CENPP: variants seen among roughly 807,000 people sequenced by gnomAD.
CENPP encodes centromere protein P.
Under a neutral mutation model 35.6 loss-of-function variants are expected in CENPP, and 24 were observed. The observed-to-expected ratio is 0.67, with a 90% CI of 0.49 to 0.95. The LOEUF is 0.95. CENPP is among the 40% of genes least tolerant of loss of function. The probability of loss-of-function intolerance (pLI) is 0.00; values close to 1 mark genes in which losing one functional copy is unlikely to be tolerated. For missense variants in CENPP, 332 were observed against 345.3 expected (o/e 0.96, Z 0.31); for synonymous variants, 120 against 125.5 (o/e 0.96, Z 0.29).
chr9:92,602,294 CG>C (rs896699920), intron 5 of CENPP, among the ~76,000 whole-genome samples: 2 of 152,122 alleles, frequency 1.3e-5, no homozygotes, highest in African/African-American at 4.8e-5. Context: ...CCAACAGATG[CG>C]GGAGGAATGA....
intron 5 of CENPP, among the ~76,000 whole-genome samples, chr9:92,433,799 G>A (rs908139553): frequency 1.3e-5 from 2 of 152,050 alleles, no homozygotes; most frequent in East Asian, 1.9e-4. Flanking sequence ...GGGTACAGTG[G>A]TGCTTGCCTG....
intron 5 of CENPP, chr9:92,505,697 A>C (rs1488365514): frequency 6.4e-7 from 1 of 1,557,142 alleles, no homozygotes; most frequent in East Asian, 2.3e-5. Context: ...AAGTCTATAA[A>C]AAATAAAAGT....
Position 92,476,024 on chromosome 9 carries a change from G to T in CENPP, c.564+96165G>T, listed in dbSNP as rs1183832779. Among the ~76,000 whole-genome samples, 1 of 152,162 alleles carries T rather than the reference G, an allele frequency of 6.6e-6. No individual in the cohort carries two copies. Among genetic ancestry groups the T allele is most frequent in the Non-Finnish European group, 1.5e-5 (1 of 68,028 alleles). ...AAATTTCAAAAATTAAAAACATTAT[G>T]AAATTATTCAAAATAGATGCATCCT... On this transcript the variant is annotated intron_variant, in intron 5 of 7. Coordinates refer to ENST00000375587, the MANE Select transcript of CENPP (RefSeq NM_001012267.3). This position sits in a 1 kb window ranked among gnomAD's most constrained non-coding sequence, Gnocchi z 4.1.
chr9:92,386,267 C>T (rs900281849), intron 5 of CENPP: 1 of 1,613,306 alleles, frequency 6.2e-7, no homozygotes, highest in Non-Finnish European at 8.5e-7. Flanking sequence ...CATTATGGTC[C>T]AAGTAGAGGA....
At chr9:92,361,126 TA>T (rs1419071319) in intron 4 of CENPP, among the ~76,000 whole-genome samples, 1 of 151,876 alleles carries the variant, frequency 6.6e-6, no homozygotes. Flanking sequence ...TTTATTATTT[TA>T]CTTTATTTAT....
intron 3 of CENPP, among the ~76,000 whole-genome samples, chr9:92,342,987 G>T (rs1167053290): frequency 6.6e-6 from 1 of 152,074 alleles, no homozygotes; most frequent in Non-Finnish European, 1.5e-5. Flanking sequence ...GATAGAAAAA[G>T]AAATGACACA....
At chr9:92,384,615 A>G (rs1478485114) in intron 5 of CENPP, 1 of 152,144 alleles carries the variant, frequency 6.6e-6, no homozygotes, top group Non-Finnish European at 1.5e-5. Flanking sequence ...GTTTATCATG[A>G]GTAATCAGAA....
chr9:92,431,583 CT>C (rs934150311), intron 5 of CENPP, among the ~76,000 whole-genome samples: 1 of 151,768 alleles, frequency 6.6e-6, no homozygotes, highest in Non-Finnish European at 1.5e-5. Context: ...CTTTTCTTTT[CT>C]TTTTTTCCAA....
At chr9:92,515,085 C>T (rs1297777589) in intron 5 of CENPP, 4 of 1,614,108 alleles carry the variant, frequency 2.5e-6, no homozygotes, top group Admixed American at 1.7e-5. Context: ...GGTCCATTCC[C>T]ACCTGAGGAG....
chr9:92,359,915 T>C (rs1365514863), intron 4 of CENPP, among the ~76,000 whole-genome samples: 1 of 152,080 alleles, frequency 6.6e-6, no homozygotes, highest in Non-Finnish European at 1.5e-5. Context: ...TACTAAGAGC[T>C]GAAATTTGCT....
At chr9:92,378,071 C>A (rs1362969990) in intron 4 of CENPP, among the ~76,000 whole-genome samples, 1 of 152,100 alleles carries the variant, frequency 6.6e-6, no homozygotes, top group Non-Finnish European at 1.5e-5. Flanking sequence ...GACATCCTTT[C>A]TTTGCTTATG....
At chr9:92,393,059 C>T (rs1340256954) in intron 5 of CENPP, 1 of 1,591,412 alleles carries the variant, frequency 6.3e-7, no homozygotes, top group South Asian at 1.1e-5. Context: ...CGAGTTAATA[C>T]TAATATCATA....
chr9:92,540,633 TG>T (rs753655934), intron 5 of CENPP, among the ~76,000 whole-genome samples: 41 of 144,614 alleles, frequency 2.8e-4, no homozygotes, highest in Non-Finnish European at 4.9e-4. Flanking sequence ...TAGCCGAGCA[TG>T]GTGGCACGCG....
chr9:92,325,868 T>G, upstream of CENPP: 1 of 680,860 alleles, frequency 1.5e-6, no homozygotes, highest in Non-Finnish European at 2.5e-6. Flanking sequence ...CGCGGAGCTC[T>G]CCCGCCTCCC....
At chr9:92,596,092 G>A (rs1850773547) in intron 5 of CENPP, among the ~76,000 whole-genome samples, 1 of 152,086 alleles carries the variant, frequency 6.6e-6, no homozygotes, top group African/African-American at 2.4e-5. Context: ...CAGGCACCCT[G>A]CCAAAACCTT....
intron 5 of CENPP, among the ~76,000 whole-genome samples, chr9:92,580,724 T>A (rs1850401924): frequency 6.6e-6 from 1 of 152,410 alleles, no homozygotes; most frequent in African/African-American, 2.4e-5. Flanking sequence ...TAGCGGTCTA[T>A]CAATTTTGTT....
intron 5 of CENPP, among the ~76,000 whole-genome samples, chr9:92,481,855 A>G (rs1170872963): frequency 6.6e-6 from 1 of 152,186 alleles, no homozygotes; most frequent in Non-Finnish European, 1.5e-5. Flanking sequence ...CATTTTAAAT[A>G]CACATTAGAA....
At chr9:92,347,294 A>G (rs1302193332) in intron 4 of CENPP, among the ~76,000 whole-genome samples, 1 of 152,242 alleles carries the variant, frequency 6.6e-6, no homozygotes, top group African/African-American at 2.4e-5. Context: ...TGGAAGTAGC[A>G]TCTGCTATTT....
At chr9:92,327,165 A>G (rs1038916157) in intron 1 of CENPP, among the ~76,000 whole-genome samples, 18 of 152,262 alleles carry the variant, frequency 1.2e-4, no homozygotes, top group African/African-American at 3.1e-4. Flanking sequence ...CACTGCCCTA[A>G]CAGAGGATTT....
Sources: gnomAD v4.1 joint callset for allele counts (sites outside exome capture counted in the v4.1 genomes callset) on GRCh38, gnomAD v4.1.1 for gene constraint, Gnocchi (gnomAD v3.1) non-coding constraint, MANE v1.5 for transcripts, NCBI Gene and HGNC (gene_info 2026-07-23, HGNC 2026-07-21) for gene names.